Variants in SCRIB observed in about 807,000 individuals in gnomAD.
SCRIB encodes the protein protein scribble homolog.
In SCRIB, 72 loss-of-function variants were observed where a neutral mutation model predicts 170.0. The ratio of observed to expected loss-of-function variants is 0.42; its 90% CI spans 0.35 to 0.52. The LOEUF is 0.52. SCRIB is among the 20% of genes least tolerant of loss of function. The pLI, the probability that SCRIB is intolerant of heterozygous loss-of-function variation, is 0.02. For synonymous variants in SCRIB, 1,298 were observed against 1,044.3 expected (o/e 1.24, Z -4.68); for missense variants, 2,475 against 2,338.5 (o/e 1.06, Z -1.20).
Position 143,805,363 on chromosome 8 carries a change from C to T in SCRIB, c.2419G>A (p.Val807Met), listed in dbSNP as rs782078022. The T allele has an allele frequency of 3.0e-5, 46 of 1,550,136 alleles. No individual in the cohort carries two copies. The South Asian group carries it at 4.1e-4, about 14-fold the overall frequency. The part of the protein sequence containing the change: ...VEALRGAGTA[V>M]QMRVWRERMV... ...CGCTCCCGCCACACTCGCATCTGCA[C>T]GGCAGTGCCGGCCCCCCGGAGCGCC... is the stretch of plus-strand genomic sequence containing the variant. Residue 807 changes from valine to methionine, a missense_variant, in exon 19 of 37, where the codon GTG becomes ATG. Physicochemically the swap from Val to Met is conservative, Grantham distance 21. Transcript: ENST00000356994.
chr8:143,791,625 G>A (rs1180697913), intron 35 of SCRIB, 41 bp downstream of exon 35: 33 of 1,558,532 alleles, frequency 2.1e-5, no homozygotes, highest in Non-Finnish European at 2.2e-5. Context: ...TGGCAGGCAC[G>A]GACAGGGTGG....
At chr8:143,810,004 A>G (rs1815632560) in intron 13 of SCRIB, among the ~76,000 whole-genome samples, 1 of 152,102 alleles carries the variant, frequency 6.6e-6, no homozygotes, top group Admixed American at 6.6e-5. Flanking sequence ...TCCCAGCGTG[A>G]TATGAACCTC....
chr8:143,814,188 T>C (rs1815904056), intron 1 of SCRIB, 70 bp from the exon 2 acceptor site: 4 of 1,299,628 alleles, frequency 3.1e-6, no homozygotes, highest in Non-Finnish European at 3.2e-6. Context: ...CCTGGACACG[T>C]GAGTGTCACA....
intron 18 of SCRIB, 57 bp from the exon 19 acceptor site, chr8:143,805,492 G>A (rs1358279265): frequency 8.5e-6 from 12 of 1,412,536 alleles, no homozygotes; most frequent in South Asian, 1.5e-5. Flanking sequence ...AGACAGCCAC[G>A]TGCTGGGGGC....
chr8:143,793,077 AG>A lies in SCRIB; in HGVS notation c.3915del (p.Ser1306ProfsTer12). 7.8e-7 allele frequency: 1 copy of A among 1,286,376 alleles called. No individual in the cohort carries two copies. Among genetic ancestry groups the A allele is most frequent in the Non-Finnish European group, 1.0e-6 (1 of 967,830 alleles). 79.7% of individuals were successfully genotyped at this position (1,286,376 alleles called of 1,614,324 possible). On this transcript the variant is annotated frameshift_variant, in exon 29 of 37. Transcript: ENST00000356994. LOFTEE classifies it high-confidence loss of function. ...GGCAGCTCATCCGGAGAAGGCGGGG[AG>A]GGCGGCTGGGGGGTGGGGCTCTTGT... is the stretch of plus-strand genomic sequence containing the variant. ...SPCSPSGQQP[P>X]SPPSPDELPA... is the part of the protein sequence containing the mutation.
intron 21 of SCRIB, 110 bp downstream of exon 21, chr8:143,804,458 C>A (rs34099611): frequency 4.1e-6 from 5 of 1,205,400 alleles, no homozygotes; most frequent in Non-Finnish European, 5.6e-6. Context: ...GGCGAGCAGG[C>A]CGGCTTCCCA....
intron 1 of SCRIB, chr8:143,814,958 G>C (rs1314248961): frequency 4.1e-6 from 2 of 493,378 alleles, no homozygotes; most frequent in Non-Finnish European, 7.1e-6. Context: ...GAATCCCCAC[G>C]GGTTTCACTC....
rs145963123 is a variant in SCRIB at position 143,807,049 on chromosome 8, G to C, written c.2179-36C>G. 3 of 1,465,946 alleles carry C rather than the reference G, an allele frequency of 2.0e-6. No individual in the cohort carries two copies. In the African/African-American group the frequency reaches 4.2e-5, roughly 20 times the overall value. 90.8% of individuals were successfully genotyped at this position (1,465,946 alleles called of 1,614,324 possible). A position where few individuals can be genotyped will look rare whatever the true frequency, so the allele number is the denominator to read the frequency against. ...AACAGACAGGGTGTCTAGAAGGGCC[G>C]CAGTGGGGCTGCCTGTGCTCTCTGC... On this transcript the variant is annotated intron_variant, in intron 16 of 36. Coordinates refer to ENST00000356994, the MANE Select transcript of SCRIB (RefSeq NM_182706.5).
intron 17 of SCRIB, 39 bp from the exon 18 acceptor site, chr8:143,806,523 C>T (rs375987250): frequency 1.9e-4 from 291 of 1,506,972 alleles, no homozygotes; most frequent in Admixed American, 6.6e-4. Context: ...GCCAGGGAGA[C>T]GGGCCCGCAT....
intron 6 of SCRIB, 86 bp downstream of exon 6, chr8:143,813,225 G>T: frequency 6.3e-7 from 1 of 1,593,012 alleles, no homozygotes; most frequent in Non-Finnish European, 8.6e-7. Context: ...GGTGCCCCTT[G>T]CTGTCGGATC....
intron 13 of SCRIB, 52 bp downstream of exon 13, chr8:143,810,427 A>C (rs1321059603): frequency 1.3e-6 from 2 of 1,589,610 alleles, no homozygotes; most frequent in Non-Finnish European, 1.7e-6. Flanking sequence ...GGACCGGACC[A>C]CCACAGCTCC....
chr8:143,807,762 G>A (rs1815494650), intron 15 of SCRIB, 148 bp from the exon 16 acceptor site: 1 of 702,044 alleles, frequency 1.4e-6, no homozygotes, highest in African/African-American at 1.7e-5. Context: ...CTCCATCCTG[G>A]AGGCGTGAGT....
rs1178878928 is a variant in SCRIB at position 143,813,147 on chromosome 8, C to T, written c.568-43G>A. 14 of 1,576,412 alleles carry T rather than the reference C, an allele frequency of 8.9e-6. No homozygotes were observed. In the Admixed American group the frequency reaches 2.3e-4, roughly 26 times the overall value. Reference sequence around the variant, plus strand: ...GAAAATAGTGACTATGAGGCAAAGCCTCCTGCTGCGCCGTGCTCAAGAGAC... The same window carrying T: ...GAAAATAGTGACTATGAGGCAAAGCTTCCTGCTGCGCCGTGCTCAAGAGAC... On this transcript the variant is annotated intron_variant, in intron 6 of 36. Transcript: ENST00000356994.
chr8:143,806,629 G>T, intron 17 of SCRIB, 145 bp from the exon 18 acceptor site: 2 of 692,652 alleles, frequency 2.9e-6, no homozygotes, highest in Non-Finnish European at 4.9e-6. Flanking sequence ...GCCACTGTGG[G>T]ATCCTGAGTG....
chr8:143,815,166 A>T, intron 1 of SCRIB, 48 bp downstream of exon 1: 4 of 1,486,692 alleles, frequency 2.7e-6, no homozygotes, highest in Non-Finnish European at 3.6e-6. Flanking sequence ...CGGAGGAATC[A>T]CGGGCTGGGG....
chr8:143,815,404 G>A lies in SCRIB; in HGVS notation c.-32C>T. On this transcript the variant is annotated 5_prime_UTR_variant, in exon 1 of 37. Transcript: ENST00000356994. ...GGTGGGCGGCGCGGGCTCCGGCGGC[G>A]GCGCTCGGCGGGCTCGGGGCCGGGG... 5.5e-6 allele frequency: 7 copies of A among 1,265,926 alleles called. No individual in the cohort carries two copies. Among genetic ancestry groups the A allele is most frequent in the East Asian group, 3.2e-5 (1 of 31,412 alleles). 78.4% of individuals were successfully genotyped at this position (1,265,926 alleles called of 1,614,324 possible). A position where few individuals can be genotyped will look rare whatever the true frequency, so the allele number is the denominator to read the frequency against.
At position 143,803,562 on chromosome 8, in the gene SCRIB, T is replaced by C; in HGVS notation, c.3424A>G (p.Thr1142Ala). 4.5e-6 allele frequency: 6 copies of C among 1,326,626 alleles called. No individual in the cohort carries two copies. Among genetic ancestry groups the C allele is most frequent in the Admixed American group, 2.1e-5 (1 of 48,580 alleles). 82.2% of individuals were successfully genotyped at this position (1,326,626 alleles called of 1,614,324 possible). A position where few individuals can be genotyped will look rare whatever the true frequency, so the allele number is the denominator to read the frequency against. The change falls in exon 24 of 37, where the codon ACG (threonine) becomes GCG (alanine). Residue 1142 changes from threonine (T) to alanine (A), a missense_variant. Coordinates refer to ENST00000356994, the MANE Select transcript of SCRIB (RefSeq NM_182706.5). ...CGACCGTCGCGCCCGGCTGCCCCCG[T>C]GGGGCTCACCTGTGGGGAGACGTGG... is the stretch of plus-strand genomic sequence containing the variant. ...EGIFISKVSP[T>A]GAAGRDGRLR...
rs1554635970 is a variant in SCRIB, at chr8:143,804,789, G to A, written c.2788C>T (p.His930Tyr). Reference sequence around the variant, plus strand: ...GCAGCGGTCAGCAGGGAGACGGCGTGGTCATGCCTGGCCTCAGTCACGTCC... The same window carrying A: ...GCAGCGGTCAGCAGGGAGACGGCGTAGTCATGCCTGGCCTCAGTCACGTCC... ...GVDVTEARHD[H>Y]AVSLLTAASP... The change falls in exon 21 of 37, where the codon CAC becomes TAC. Residue 930 changes from histidine to tyrosine, a missense_variant. Physicochemically the swap from His to Tyr is moderately conservative, Grantham distance 83. This residue lies in a region of SCRIB where 1,966 missense variants were observed against 1,742.9 expected (regional missense o/e 1.13). Transcript: ENST00000356994. 12 of 1,599,078 alleles carry A rather than the reference G, an allele frequency of 7.5e-6. No individual in the cohort carries two copies. Among genetic ancestry groups the A allele is most frequent in the Non-Finnish European group, 9.3e-6 (11 of 1,176,534 alleles).
chr8:143,815,674 C>CCT lies in SCRIB; in HGVS notation c.-303_-302insAG, dbSNP rs1816064680. On this transcript the variant is annotated 5_prime_UTR_variant, in exon 1 of 37. Coordinates refer to ENST00000356994, the MANE Select transcript of SCRIB (RefSeq NM_182706.5). ...GGTCCTGCTCAGCTCGTCCCGCCCG[C>CCT]TCGTCCGCCCGCTGTGCCGCACCGG... The CCT allele has an allele frequency of 1.0e-6, 1 of 983,216 alleles. No individual in the cohort carries two copies. Among genetic ancestry groups the CCT allele is most frequent in the African/African-American group, 1.8e-5 (1 of 56,996 alleles). 60.9% of individuals were successfully genotyped at this position (983,216 alleles called of 1,614,324 possible).
Sources: allele counts gnomAD v4.1 joint callset (sites outside exome capture counted in the v4.1 genomes callset), GRCh38; gene constraint gnomAD v4.1.1; regional missense constraint gnomAD v4.1.1; transcripts MANE v1.5; gene names NCBI Gene and HGNC (gene_info 2026-07-23, HGNC 2026-07-21).